The following FAM184A variants were observed in gnomAD, a reference collection of about 807,000 sequenced individuals.
FAM184A encodes family with sequence similarity 184 member A.
Under a neutral mutation model 143.8 loss-of-function variants are expected in FAM184A, and 99 were observed. The ratio of observed to expected loss-of-function variants is 0.69; its 90% confidence interval spans 0.58 to 0.81. The LOEUF (loss-of-function observed/expected upper bound fraction) is 0.81. FAM184A is among the 40% of genes least tolerant of loss of function. FAM184A has a pLI of 0.00. For synonymous variants in FAM184A, 427 were observed against 446.4 expected (o/e 0.96, Z 0.55); for missense variants, 1,217 against 1,310.5 (o/e 0.93, Z 1.10).
chr6:119,114,059 T>C lies in FAM184A; in HGVS notation c.-202+35019A>G, dbSNP rs117222661. Reference sequence around the variant, plus strand: ...TTTATAAATTAAACTTTATCATAGGTATGTATGTATAGGAAAAAGCATAGC... The same window carrying C: ...TTTATAAATTAAACTTTATCATAGGCATGTATGTATAGGAAAAAGCATAGC... On this transcript the variant is annotated intron_variant, in intron 1 of 16. Coordinates refer to the FAM184A transcript ENST00000352896. Among the ~76,000 whole-genome samples the C allele has an allele frequency of 1.3e-4, 20 of 152,334 alleles. No individual in the cohort carries two copies. The East Asian group carries it at 3.9e-3, about 29-fold the overall frequency.
At chr6:119,084,434 A>C (rs1173225890) in intron 1 of FAM184A, among the ~76,000 whole-genome samples, 1 of 152,262 alleles carries the variant, frequency 6.6e-6, no homozygotes, top group Non-Finnish European at 1.5e-5. Context: ...CATGTCTTAC[A>C]TCCAGGGCAC....
Position 119,023,013 on chromosome 6 carries a change from A to T in FAM184A, c.1082T>A (p.Val361Glu), listed in dbSNP as rs772201596. 2 of 1,614,142 alleles carry T rather than the reference A, an allele frequency of 1.2e-6. No homozygotes were observed. The highest frequency in any genetic ancestry group is 8.5e-7 in the Non-Finnish European group (1 of 1,180,024). The change falls in exon 3 of 18, where the codon GTG becomes GAG. Residue 361 changes from valine to glutamate, a missense_variant. Transcript: ENST00000338891. ...TCTGGCAGCTGCTAGCTCACTTTCC[A>T]CTTCTTTGTGCTTGCTTAATAGGGC... The part of the protein sequence containing the change: ...EMALLSKHKE[V>E]ESELAAARER...
chr6:119,129,495 T>G (rs1789469648), intron 1 of FAM184A, among the ~76,000 whole-genome samples: 1 of 152,168 alleles, frequency 6.6e-6, no homozygotes, highest in South Asian at 2.1e-4. Context: ...TCTTTACATG[T>G]GTTTCAATCT....
At chr6:118,968,460 A>C (rs1413061589) in intron 14 of FAM184A, among the ~76,000 whole-genome samples, 1 of 152,250 alleles carries the variant, frequency 6.6e-6, no homozygotes, top group Non-Finnish European at 1.5e-5. Flanking sequence ...GTGAAAAATA[A>C]TGTGATTTGT....
Position 119,041,395 on chromosome 6 carries a change from C to A in FAM184A, c.160-16582G>T, listed in dbSNP as rs368848852. The stretch of plus-strand genomic sequence containing the variant: ...CGGGGCTTGCAACTTAGCTCACACT[C>A]GGCCAATCAGGTAGTAAAGAGCGCT... On this transcript the variant is annotated intron_variant, in intron 1 of 17. Transcript: ENST00000338891. 1.7e-4 allele frequency among the ~76,000 whole-genome samples: 26 copies of A among 152,228 alleles called. 1 individual carries two copies. In the East Asian group the frequency reaches 2.5e-3, roughly 15 times the overall value.
At chr6:118,962,877 A>AT (rs1783379230) in intron 16 of FAM184A, 1 of 152,086 alleles carries the variant, frequency 6.6e-6, no homozygotes, top group African/African-American at 2.4e-5. Context: ...TATTTTACTA[A>AT]TTAGATGTAT....
At chr6:119,116,429 G>C (rs577011079) in intron 1 of FAM184A, among the ~76,000 whole-genome samples, 3 of 151,864 alleles carry the variant, frequency 2.0e-5, no homozygotes, top group Admixed American at 2.0e-4. Flanking sequence ...CGACAGGATC[G>C]TTGGGACCTC....
At chr6:119,015,229 TGAG>T (rs1562473798) in intron 5 of FAM184A, among the ~76,000 whole-genome samples, 1 of 152,066 alleles carries the variant, frequency 6.6e-6, no homozygotes, top group Admixed American at 6.5e-5. Context: ...TGGTGGCACT[TGAG>T]GAGCCCTTCG....
chr6:119,093,737 T>A (rs891774880), intron 1 of FAM184A, among the ~76,000 whole-genome samples: 1 of 152,156 alleles, frequency 6.6e-6, no homozygotes, highest in African/African-American at 2.4e-5. Context: ...GGCAGGAGAC[T>A]GGTTTCTGTA....
rs192987995 is a variant in FAM184A at position 118,996,986 on chromosome 6, C to T, written c.2088+5913G>A. ...GTGATCCACCCACCTCGGCCTCCCA[C>T]ATGCTGGGATTACAGGCGTGAGCCA... is the stretch of plus-strand genomic sequence containing the variant. On this transcript the variant is annotated intron_variant, in intron 9 of 17. Coordinates refer to ENST00000338891, the MANE Select transcript of FAM184A (RefSeq NM_024581.6). 2.3e-3 allele frequency among the ~76,000 whole-genome samples: 342 copies of T among 151,582 alleles called. 2 individuals carry two copies. Among genetic ancestry groups the T allele is most frequent in the African/African-American group, 7.6e-3 (315 of 41,362 alleles).
At chr6:119,131,932 A>G (rs1032051729) in intron 1 of FAM184A, among the ~76,000 whole-genome samples, 16 of 152,240 alleles carry the variant, frequency 1.1e-4, no homozygotes, top group African/African-American at 2.9e-4. Context: ...TCTTTAATTT[A>G]TTCTCAAACT....
rs141615745 is a variant in FAM184A at position 119,138,593 on chromosome 6, CTTATTA to C, written c.-202+10479_-202+10484del. On this transcript the variant is annotated intron_variant, in intron 1 of 16. Transcript: ENST00000352896. ...CACTCTCTCCTTCCTCGCTCTTTCA[CTTATTA>C]TTATTATTATTATTATTATTATTAT... 5.0e-3 allele frequency among the ~76,000 whole-genome samples: 744 copies of C among 148,154 alleles called. 1 individual carries two copies. Among genetic ancestry groups the C allele is most frequent in the East Asian group, 0.025 (123 of 4,976 alleles).
chr6:119,136,270 G>T (rs1450490957), intron 1 of FAM184A, among the ~76,000 whole-genome samples: 1 of 125,682 alleles, frequency 8.0e-6, no homozygotes, highest in Admixed American at 9.1e-5. Context: ...GGGCGACAGA[G>T]CGAGACTCCG....
At chr6:119,098,146 G>T (rs112902193) in intron 1 of FAM184A, among the ~76,000 whole-genome samples, 241 of 152,272 alleles carry the variant, frequency 1.6e-3, no homozygotes, top group Non-Finnish European at 3.0e-3. Flanking sequence ...TGTACTCGTG[G>T]TAGTGAGTAA....
intron 1 of FAM184A, among the ~76,000 whole-genome samples, chr6:119,126,528 C>T (rs114511753): frequency 0.016 from 2,491 of 152,248 alleles, 74 homozygotes; most frequent in African/African-American, 0.056. Flanking sequence ...AGAGCCAGGG[C>T]GAGTGCTTCC....
At chr6:119,099,529 C>T (rs1408450249) in intron 1 of FAM184A, among the ~76,000 whole-genome samples, 1 of 152,090 alleles carries the variant, frequency 6.6e-6, no homozygotes, top group Non-Finnish European at 1.5e-5. Context: ...GGGTCCTGCT[C>T]CGTATCCTGG....
intron 1 of FAM184A, among the ~76,000 whole-genome samples, chr6:119,131,346 T>TG (rs35717475): frequency 0.5 from 75,661 of 152,042 alleles, 20,896 homozygotes; most frequent in African/African-American, 0.75. Context: ...CAGTAATAAG[T>TG]TGGAATAAAT....
chr6:119,077,358 T>C lies in FAM184A; in HGVS notation c.159+783A>G, dbSNP rs531030040. On this transcript the variant is annotated intron_variant, in intron 1 of 17. Coordinates refer to ENST00000338891, the MANE Select transcript of FAM184A (RefSeq NM_024581.6). ...GACACCACAAATCACTTCTTACCGA[T>C]AGGTATTGCTAGATTGCTGGTGAGT... 3.9e-5 allele frequency among the ~76,000 whole-genome samples: 6 copies of C among 152,366 alleles called. No homozygotes were observed. The South Asian group carries it at 6.2e-4, about 16-fold the overall frequency.
intron 1 of FAM184A, among the ~76,000 whole-genome samples, chr6:119,098,983 G>A (rs1178113679): frequency 1.3e-5 from 2 of 152,174 alleles, no homozygotes; most frequent in South Asian, 2.1e-4. Context: ...GGTGGCGCAT[G>A]CCTATAATCC....
Sources: allele counts gnomAD v4.1 joint callset (sites outside exome capture counted in the v4.1 genomes callset), GRCh38; gene constraint gnomAD v4.1.1; transcripts MANE v1.5; gene names NCBI Gene and HGNC (gene_info 2026-07-23, HGNC 2026-07-21).